AGBL3: variants seen among roughly 807,000 people sequenced by gnomAD.
AGBL3 encodes the protein cytosolic carboxypeptidase 3.
In AGBL3, 68 loss-of-function variants were observed where a neutral mutation model predicts 94.5. The ratio of observed to expected loss-of-function variants is 0.72; its 90% CI spans 0.59 to 0.88. The LOEUF (loss-of-function observed/expected upper bound fraction) is 0.88. Ranked by LOEUF, AGBL3 falls within the 40% of genes least tolerant of loss-of-function variation. The pLI is 0.00. For missense variants in AGBL3, 934 were observed against 1,103.8 expected, an observed-to-expected ratio of 0.85 and a Z score of 2.18; for synonymous variants, 354 against 370.7, an observed-to-expected ratio of 0.95 and a Z score of 0.52.
At chr7:135,132,429 A>G (rs1562909756) in intron 16 of AGBL3, among the ~76,000 whole-genome samples, 1 of 152,202 alleles carries the variant, frequency 6.6e-6, no homozygotes, top group Non-Finnish European at 1.5e-5. Flanking sequence ...GATCCTATTA[A>G]TTGGCACAGA....
chr7:134,988,110 T>C (rs1030290072), intron 2 of AGBL3, 114 bp downstream of exon 2: 6 of 835,010 alleles, frequency 7.2e-6, no homozygotes, highest in Middle Eastern at 3.7e-4. Context: ...GTTTAAATTA[T>C]TGTCATTGAA....
chr7:135,031,085 T>C (rs2116411306), intron 5 of AGBL3, among the ~76,000 whole-genome samples: 2 of 152,212 alleles, frequency 1.3e-5, no homozygotes, highest in Middle Eastern at 3.4e-3. Context: ...TCTTTGAATA[T>C]ATATTCAAAG....
intron 16 of AGBL3, chr7:135,128,825 C>G: frequency 8.7e-7 from 1 of 1,151,536 alleles, no homozygotes; most frequent in East Asian, 2.3e-5. Context: ...GATGAGACAG[C>G]TGTGTGCAGG....
chr7:135,128,691 C>G, intron 16 of AGBL3: 1 of 1,318,464 alleles, frequency 7.6e-7, no homozygotes, highest in South Asian at 1.2e-5. Flanking sequence ...TATTGTCTCT[C>G]CTTTTGAGCT....
At chr7:135,033,087 G>A (rs1235991435) in intron 6 of AGBL3, 105 bp downstream of exon 6, 5 of 1,119,278 alleles carry the variant, frequency 4.5e-6, no homozygotes, top group Non-Finnish European at 6.1e-6. Context: ...GTAATTCCTT[G>A]AAGTATGGAT....
In AGBL3 at chr7:135,034,016, T is replaced by C. The variant is rs569985457; in HGVS notation, c.558-133T>C. ...AACTTTTATCGTTTACATTGTTTCC[T>C]AACAAAGCTTTCTGTGAATGAGTAA... On this transcript the variant is annotated intron_variant, in intron 6 of 16. Coordinates refer to ENST00000436302, the MANE Select transcript of AGBL3 (RefSeq NM_178563.4). 3.6e-4 allele frequency: 307 copies of C among 850,180 alleles called. No homozygotes were observed. In the South Asian group the frequency reaches 6.8e-3, roughly 19 times the overall value. 52.7% of individuals were successfully genotyped at this position (850,180 alleles called of 1,614,324 possible).
intron 15 of AGBL3, among the ~76,000 whole-genome samples, chr7:135,114,757 C>G (rs1412528556): frequency 6.6e-6 from 1 of 152,138 alleles, no homozygotes; most frequent in African/African-American, 2.4e-5. Context: ...TCACTCTTGC[C>G]TCTCTTCAAT....
chr7:135,008,275 T>C (rs1468149511), intron 4 of AGBL3, among the ~76,000 whole-genome samples: 2 of 152,136 alleles, frequency 1.3e-5, no homozygotes, highest in Admixed American at 1.3e-4. Flanking sequence ...GGTACTGTCA[T>C]GAGGATAGAC....
chr7:135,100,179 C>T (rs1240812232), intron 15 of AGBL3: 1 of 150,686 alleles, frequency 6.6e-6, no homozygotes, highest in African/African-American at 2.4e-5. Flanking sequence ...AGCCACTGCA[C>T]CCGAGTTTCT....
chr7:135,072,490 A>T, intron 12 of AGBL3, among the ~76,000 whole-genome samples: 1 of 152,194 alleles, frequency 6.6e-6, no homozygotes, highest in East Asian at 1.9e-4. Flanking sequence ...CACTATTCAC[A>T]ACAGCAAAGT....
chr7:134,986,808 G>A (rs1448326117), intron 1 of AGBL3, 107 bp downstream of exon 1: 2 of 152,290 alleles, frequency 1.3e-5, no homozygotes, highest in African/African-American at 4.8e-5. Flanking sequence ...GAAGGAACTC[G>A]GCCGCCCGGA....
chr7:135,045,656 C>A, intron 10 of AGBL3, 82 bp downstream of exon 10: 1 of 1,375,638 alleles, frequency 7.3e-7, no homozygotes, highest in Non-Finnish European at 1.0e-6. Flanking sequence ...GCAGTGTTTG[C>A]CTTTTAATGT....
intron 10 of AGBL3, 31 bp from the exon 11 acceptor site, chr7:135,045,768 C>T (rs1473836772): frequency 1.4e-6 from 2 of 1,452,204 alleles, no homozygotes; most frequent in East Asian, 2.5e-5. Flanking sequence ...AAAGTTATTT[C>T]ATAATGAGCT....
chr7:134,999,465 C>T (rs193123697), intron 4 of AGBL3, among the ~76,000 whole-genome samples: 86 of 152,338 alleles, frequency 5.6e-4, no homozygotes, highest in South Asian at 3.3e-3. Flanking sequence ...ACAATCAGCC[C>T]ATGCCTACAT....
chr7:135,043,994 A>G (rs1305368236), intron 8 of AGBL3, 31 bp from the exon 9 acceptor site: 1 of 1,540,092 alleles, frequency 6.5e-7, no homozygotes, highest in South Asian at 1.2e-5. Context: ...TACCAGAACA[A>G]CGAGTCTCAT....
intron 16 of AGBL3, chr7:135,129,687 G>C (rs548062865): frequency 2.6e-6 from 2 of 776,280 alleles, no homozygotes; most frequent in South Asian, 2.7e-5. Flanking sequence ...TGAGATTGAA[G>C]ACTAGTTAAC....
chr7:135,032,250 C>G (rs1202671653), intron 5 of AGBL3, among the ~76,000 whole-genome samples: 1 of 152,094 alleles, frequency 6.6e-6, no homozygotes, highest in Non-Finnish European at 1.5e-5. Flanking sequence ...AGGGCAAGTT[C>G]AGAACCAATT....
rs541915508 is a variant in AGBL3 at position 135,071,380 on chromosome 7, A to C, written c.1909-5017A>C. ...CAATGCCATCCCCATCAAGTTACCA[A>C]TGACTTTCTTCACAGAATTGGAAAA... On this transcript the variant is annotated intron_variant, in intron 12 of 16. Transcript: ENST00000436302. 2.0e-5 allele frequency among the ~76,000 whole-genome samples: 3 copies of C among 152,274 alleles called. No individual in the cohort carries two copies. The South Asian group carries it at 6.2e-4, about 32-fold the overall frequency.
At chr7:135,049,820 TAA>T (rs938812274) in intron 11 of AGBL3, among the ~76,000 whole-genome samples, 3 of 151,824 alleles carry the variant, frequency 2.0e-5, no homozygotes, top group African/African-American at 7.2e-5. Flanking sequence ...TTAGTTTAGC[TAA>T]GAGTTTGTCA....
Sources: allele counts gnomAD v4.1 joint callset (sites outside exome capture counted in the v4.1 genomes callset), GRCh38; gene constraint gnomAD v4.1.1; transcripts MANE v1.5; gene names NCBI Gene and HGNC (gene_info 2026-07-23, HGNC 2026-07-21).